The following MYO10 variants were observed in gnomAD, a reference collection of about 807,000 sequenced individuals.
MYO10 encodes myosin X, also known as unconventional myosin-X.
MYO10 carries 133 observed loss-of-function variants against 257.3 expected under a neutral mutation model. The ratio of observed to expected loss-of-function variants is 0.52; its 90% CI spans 0.45 to 0.60. The LOEUF is 0.60. Ranked by LOEUF, MYO10 falls within the 20% of genes least tolerant of loss-of-function variation. MYO10 has a pLI of 0.00. For missense variants in MYO10, 2,399 were observed against 2,635.7 expected, an observed-to-expected ratio of 0.91 and a Z score of 1.97; for synonymous variants, 1,104 against 1,028.6, an observed-to-expected ratio of 1.07 and a Z score of -1.40.
At chr5:16,680,857 T>C (rs971026389) in intron 32 of MYO10, among the ~76,000 whole-genome samples, 1 of 152,084 alleles carries the variant, frequency 6.6e-6, no homozygotes, top group Non-Finnish European at 1.5e-5. Context: ...TAGCCCGGTG[T>C]GATGGTGCGT....
rs376478121 is a variant in MYO10, at chr5:16,688,237, T to C, written c.3896+1587A>G. Among the ~76,000 whole-genome samples the C allele has an allele frequency of 4.1e-4, 62 of 152,314 alleles. No individual in the cohort carries two copies. The South Asian group carries it at 0.012, about 30-fold the overall frequency. On this transcript the variant is annotated intron_variant, in intron 28 of 40. Coordinates refer to ENST00000513610, the MANE Select transcript of MYO10 (RefSeq NM_012334.3). ...TTTTTCCAGTTTGTGTTAGAATTTA[T>C]GGGTCTAAGCAGGTGTTTTAGTTTG...
chr5:16,755,319 C>A lies in MYO10; in HGVS notation c.1849-411G>T, dbSNP rs533170317. Among the ~76,000 whole-genome samples, 792 of 152,304 alleles carry A rather than the reference C, an allele frequency of 5.2e-3. 1 individual carries two copies. The highest frequency in any genetic ancestry group is 0.018 in the African/African-American group (763 of 41,570). On this transcript the variant is annotated intron_variant, in intron 18 of 40. Coordinates refer to ENST00000513610, the MANE Select transcript of MYO10 (RefSeq NM_012334.3). Reference sequence around the variant, plus strand: ...TAGCTGGGACTACAGGCGCCCGCCACCATGCCCGGAGAATTTTTTGTATTT... The same window carrying A: ...TAGCTGGGACTACAGGCGCCCGCCAACATGCCCGGAGAATTTTTTGTATTT...
intron 1 of MYO10, among the ~76,000 whole-genome samples, chr5:16,889,383 G>A (rs754772478): frequency 1.8e-4 from 27 of 151,600 alleles, no homozygotes; most frequent in Non-Finnish European, 3.8e-4. Flanking sequence ...TCCAGCCTGG[G>A]CAACACAGCA....
At chr5:16,742,962 A>C (rs1388175346) in intron 19 of MYO10, among the ~76,000 whole-genome samples, 1 of 152,086 alleles carries the variant, frequency 6.6e-6, no homozygotes, top group Non-Finnish European at 1.5e-5. Context: ...CTCTACTAAA[A>C]ATACAAAATT....
Position 16,675,098 on chromosome 5 carries a change from G to A in MYO10, c.4719C>T (p.Phe1573=). The stretch of plus-strand genomic sequence containing the variant: ...TGGACTCCAGTTGCTGCAGGGAATT[G>A]AATATCTTGATGGCCTCATCCTGAA... The part of the protein sequence containing the change: ...TTLQDEAIKI[F]NSLQQLESMS... Residue 1573 remains phenylalanine (F), a synonymous_variant, in exon 35 of 41, where the codon TTC becomes TTT. Coordinates refer to ENST00000513610, the MANE Select transcript of MYO10 (RefSeq NM_012334.3). 2 of 1,613,968 alleles carry A rather than the reference G, an allele frequency of 1.2e-6. No individual in the cohort carries two copies. Among genetic ancestry groups the A allele is most frequent in the Non-Finnish European group, 1.7e-6 (2 of 1,179,894 alleles).
At chr5:16,916,260 T>G (rs560031237) in intron 1 of MYO10, 2 of 399,328 alleles carry the variant, frequency 5.0e-6, no homozygotes, top group African/African-American at 4.2e-5. Flanking sequence ...TGGTGCAGAC[T>G]CGTGTTCTAA....
chr5:16,893,649 A>G (rs891665615), intron 1 of MYO10, among the ~76,000 whole-genome samples: 14 of 97,168 alleles, frequency 1.4e-4, no homozygotes, highest in South Asian at 8.6e-4. Context: ...AAAAAAAAAA[A>G]AAAGAAAATT....
intron 2 of MYO10, among the ~76,000 whole-genome samples, chr5:16,836,214 C>G (rs1743308326): frequency 6.6e-6 from 1 of 152,198 alleles, no homozygotes; most frequent in Admixed American, 6.5e-5. Flanking sequence ...GTAATCTTAT[C>G]TATTCAAATT....
At chr5:16,891,320 A>AAAGGAAGG (rs59008302) in intron 1 of MYO10, among the ~76,000 whole-genome samples, 4,203 of 87,184 alleles carry the variant, frequency 0.048, 116 homozygotes, top group Non-Finnish European at 0.059. Context: ...GGAGAAGAGA[A>AAAGGAAGG]AAGGAAGGAA....
chr5:16,809,773 C>T (rs1024708271), intron 3 of MYO10, among the ~76,000 whole-genome samples: 14 of 152,166 alleles, frequency 9.2e-5, no homozygotes, highest in Non-Finnish European at 2.9e-5. Context: ...AAATTGGCTC[C>T]TTTGATTCTG....
intron 19 of MYO10, among the ~76,000 whole-genome samples, chr5:16,732,545 C>G (rs1346621741): frequency 6.6e-6 from 1 of 152,116 alleles, no homozygotes; most frequent in Non-Finnish European, 1.5e-5. Flanking sequence ...AAAAATCATG[C>G]TGAGAAATAC....
intron 19 of MYO10, among the ~76,000 whole-genome samples, chr5:16,734,941 C>T (rs1739730061): frequency 6.6e-6 from 1 of 152,172 alleles, no homozygotes; most frequent in Admixed American, 6.5e-5. Flanking sequence ...GACTTGCTCA[C>T]AGTTCCTCTT....
intron 18 of MYO10, among the ~76,000 whole-genome samples, chr5:16,757,664 TTC>T (rs1740574978): frequency 6.6e-6 from 1 of 152,132 alleles, no homozygotes; most frequent in Non-Finnish European, 1.5e-5. Flanking sequence ...TTTATTTCTT[TTC>T]TCTCTTTTTT....
At chr5:16,706,280 CACATAT>C (rs1184694921) in intron 21 of MYO10, among the ~76,000 whole-genome samples, 74 of 152,098 alleles carry the variant, frequency 4.9e-4, no homozygotes, top group African/African-American at 1.6e-3. Flanking sequence ...CATATATATT[CACATAT>C]ACATATACAT....
chr5:16,791,883 T>C (rs1741768800), intron 4 of MYO10, among the ~76,000 whole-genome samples: 1 of 152,134 alleles, frequency 6.6e-6, no homozygotes, highest in Admixed American at 6.5e-5. Context: ...ATTAAATTGT[T>C]TTATTGGGTA....
At chr5:16,675,187 G>A (rs1057206469) in intron 34 of MYO10, 37 bp from the exon 35 acceptor site, 16 of 1,606,212 alleles carry the variant, frequency 1.0e-5, no homozygotes, top group African/African-American at 2.7e-5. Flanking sequence ...CTCATCTGAG[G>A]GGTTCAGAAT....
In MYO10 at chr5:16,685,807, C is replaced by G; in HGVS notation, c.3921G>C (p.Gln1307His). Reference protein sequence around the residue: ...DASQWFSVLSQVHASTDQEIQ... With the variant: ...DASQWFSVLSHVHASTDQEIQ... ...TCTCCTGGTCCGTGGACGCGTGGAC[C>G]TGACTCAGCACGCTGAACCACTGGC... The change falls in exon 29 of 41, where the codon CAG becomes CAC. Residue 1307 changes from glutamine (Q) to histidine (H), a missense_variant. By Grantham distance (24) the Gln-to-His change is conservative. Around this residue, in one of 3 missense-constraint regions of MYO10, gnomAD observed 1,820 missense variants for 1,939.4 expected, o/e 0.94. Transcript: ENST00000513610. 1 of 1,601,874 alleles carries G rather than the reference C, an allele frequency of 6.2e-7. No individual in the cohort carries two copies.
chr5:16,701,825 C>A lies in MYO10; in HGVS notation c.2570G>T (p.Arg857Met). 6.2e-7 allele frequency: 1 copy of A among 1,602,514 alleles called. No homozygotes were observed. The highest frequency in any genetic ancestry group is 8.5e-7 in the Non-Finnish European group (1 of 1,175,938). ...ELRAQQEEETRKQQELEALQK... is the reference protein window; with the variant it reads ...ELRAQQEEETMKQQELEALQK... ...CAAGGCTTCGAGTTCTTGCTGCTTC[C>A]TCGTTTCTTCTTCCTGGACAGAAGC... The change falls in exon 25 of 41, where the codon AGG becomes ATG. Residue 857 changes from arginine (R) to methionine (M), a missense_variant. Arg to Met is a moderately conservative substitution (Grantham distance 91, BLOSUM62 -1). This residue lies in a region of MYO10 where 1,820 missense variants were observed against 1,939.4 expected (regional missense o/e 0.94). Coordinates refer to ENST00000513610, the MANE Select transcript of MYO10 (RefSeq NM_012334.3). This position sits in a 1 kb window ranked among gnomAD's most constrained non-coding sequence, Gnocchi z 8.1.
At position 16,783,444 on chromosome 5, in the gene MYO10, C is replaced by A; in HGVS notation, c.493G>T (p.Glu165Ter). ...ISGESGAGKT[E>*]STKLILKFLS... Reference sequence around the variant, plus strand: ...AACTTGAGGATCAATTTAGTGCTTTCGGTTTTACCTGCCCCACTTTCACCA... The same window carrying A: ...AACTTGAGGATCAATTTAGTGCTTTAGGTTTTACCTGCCCCACTTTCACCA... The change falls in exon 5 of 41, where the codon GAA becomes TAA. Residue 165 changes from glutamate to a stop codon, truncating the protein, a stop_gained. Transcript: ENST00000513610. LOFTEE classifies it high-confidence loss of function. The A allele has an allele frequency of 6.2e-7, 1 of 1,610,954 alleles. No homozygotes were observed. The highest frequency in any genetic ancestry group is 8.5e-7 in the Non-Finnish European group (1 of 1,178,816).
Sources: gnomAD v4.1 joint callset for allele counts (sites outside exome capture counted in the v4.1 genomes callset) on GRCh38, gnomAD v4.1.1 for gene constraint, gnomAD v4.1.1 regional missense constraint, Gnocchi (gnomAD v3.1) non-coding constraint, MANE v1.5 for transcripts, NCBI Gene and HGNC (gene_info 2026-07-23, HGNC 2026-07-21) for gene names.